RMND5A: variants seen among roughly 807,000 people sequenced by gnomAD.
RMND5A encodes required for meiotic nuclear division 5 homolog A, also known as E3 ubiquitin-protein transferase RMND5A.
Under a neutral mutation model 49.7 loss-of-function variants are expected in RMND5A, and 17 were observed. That is an observed-to-expected ratio of 0.34 (90% CI 0.23 to 0.51). RMND5A has a LOEUF of 0.51. Among genes scored for constraint, RMND5A ranks in the 20% least tolerant of loss-of-function variants. RMND5A has a pLI of 0.96. For synonymous variants in RMND5A, 156 were observed against 167.7 expected (o/e 0.93, Z 0.54); for missense variants, 255 against 471.3 (o/e 0.54, Z 4.25).
At chr2:86,757,294 C>G (rs1225898805) in intron 4 of RMND5A, among the ~76,000 whole-genome samples, 1 of 150,914 alleles carries the variant, frequency 6.6e-6, no homozygotes, top group Non-Finnish European at 1.5e-5. Flanking sequence ...TTACATAGAT[C>G]TAATCAGGAC....
intron 2 of RMND5A, 35 bp from the exon 3 acceptor site, chr2:86,751,860 TC>T (rs753598302): frequency 3.1e-6 from 5 of 1,591,458 alleles, no homozygotes; most frequent in Non-Finnish European, 4.3e-6. Flanking sequence ...GTGAAAATAA[TC>T]TATTTATGAT....
chr2:86,761,496 A>C (rs1672488159), intron 4 of RMND5A, among the ~76,000 whole-genome samples: 1 of 152,138 alleles, frequency 6.6e-6, no homozygotes, highest in Non-Finnish European at 1.5e-5. Context: ...ATTTCACCTT[A>C]ATTGCTTACA....
Position 86,764,936 on chromosome 2 carries a change from G to A in RMND5A, c.522-91G>A, listed in dbSNP as rs1332869397. 7 of 1,245,330 alleles carry A rather than the reference G, an allele frequency of 5.6e-6. No individual in the cohort carries two copies. In the African/African-American group the frequency reaches 7.6e-5, roughly 14 times the overall value. 77.1% of individuals were successfully genotyped at this position (1,245,330 alleles called of 1,614,324 possible). A position where few individuals can be genotyped will look rare whatever the true frequency, so the allele number is the denominator to read the frequency against. On this transcript the variant is annotated intron_variant, in intron 4 of 8. Coordinates refer to ENST00000283632, the MANE Select transcript of RMND5A (RefSeq NM_022780.4). Reference sequence around the variant, plus strand: ...AGACTTCCACAAGATGGCAGACCAAGCCCCTTTTTTGTTTTACTGGGTTTC... The same window carrying A: ...AGACTTCCACAAGATGGCAGACCAAACCCCTTTTTTGTTTTACTGGGTTTC...
chr2:86,720,941 C>T (rs1681199207), intron 1 of RMND5A, 132 bp downstream of exon 1: 1 of 740,308 alleles, frequency 1.4e-6, no homozygotes, highest in Non-Finnish European at 2.0e-6. Context: ...CGCGGAGGCC[C>T]CCAGACCCCT....
At chr2:86,753,150 A>C (rs1681665202) in intron 3 of RMND5A, among the ~76,000 whole-genome samples, 1 of 152,196 alleles carries the variant, frequency 6.6e-6, no homozygotes, top group Non-Finnish European at 1.5e-5. Flanking sequence ...ATAGCAGCCA[A>C]AGCTCCAGCC....
chr2:86,721,494 G>C (rs1330202055), intron 1 of RMND5A, among the ~76,000 whole-genome samples: 1 of 151,896 alleles, frequency 6.6e-6, no homozygotes, highest in Admixed American at 6.6e-5. Flanking sequence ...CACCGAGGAG[G>C]AACGGGCGAC....
chr2:86,764,894 G>A, intron 4 of RMND5A, 133 bp from the exon 5 acceptor site: 3 of 752,588 alleles, frequency 4.0e-6, no homozygotes, highest in Non-Finnish European at 6.4e-6. Flanking sequence ...CTGGGCCCTA[G>A]GGATTGATGT....
At chr2:86,759,612 G>GCCCCCCC (rs144501224) in intron 4 of RMND5A, among the ~76,000 whole-genome samples, 40 of 146,200 alleles carry the variant, frequency 2.7e-4, no homozygotes, top group South Asian at 4.4e-4. Flanking sequence ...TAGTTTGCTT[G>GCCCCCCC]CCCCCCCGCC....
intron 2 of RMND5A, among the ~76,000 whole-genome samples, chr2:86,750,820 A>T (rs1681622080): frequency 1.4e-5 from 2 of 142,678 alleles, no homozygotes; most frequent in South Asian, 2.2e-4. Context: ...AATTCTATTG[A>T]TTTTCACTGA....
chr2:86,763,481 G>T (rs540874609), intron 4 of RMND5A, among the ~76,000 whole-genome samples: 8 of 152,218 alleles, frequency 5.3e-5, no homozygotes, highest in Admixed American at 4.6e-4. Flanking sequence ...ACCACTGCCA[G>T]AAGTATTTTG....
At chr2:86,741,454 T>C (rs1425114217) in intron 2 of RMND5A, among the ~76,000 whole-genome samples, 1 of 151,180 alleles carries the variant, frequency 6.6e-6, no homozygotes, top group Non-Finnish European at 1.5e-5. Context: ...TGTTATGGGA[T>C]GATTAGAATA....
At chr2:86,764,423 G>C (rs1327247375) in intron 4 of RMND5A, among the ~76,000 whole-genome samples, 1 of 152,058 alleles carries the variant, frequency 6.6e-6, no homozygotes, top group African/African-American at 2.4e-5. Flanking sequence ...GCTGTATTTT[G>C]GCTCATTTAA....
At position 86,774,816 on chromosome 2, in the gene RMND5A, A is replaced by G. The variant is rs980558808; in HGVS notation, c.*1405A>G. The G allele has an allele frequency of 6.6e-6, 1 of 152,668 alleles. No homozygotes were observed. The highest frequency in any genetic ancestry group is 2.4e-5 in the African/African-American group (1 of 41,458). The allele number at this position is 152,668 out of a possible 1,614,324, so 9.5% of individuals were successfully genotyped here. ...AATGTGGCACTTCACATTTTAAACT[A>G]CAGATGGACTTGGTTTGAGGGAGGG... On this transcript the variant is annotated 3_prime_UTR_variant, in exon 9 of 9. Coordinates refer to ENST00000283632, the MANE Select transcript of RMND5A (RefSeq NM_022780.4).
In RMND5A at chr2:86,774,146, T is replaced by C. The variant is rs550441885; in HGVS notation, c.*735T>C. 1 of 152,816 alleles carries C rather than the reference T, an allele frequency of 6.5e-6. No homozygotes were observed. The highest frequency in any genetic ancestry group is 1.5e-5 in the Non-Finnish European group (1 of 68,046). The allele number at this position is 152,816 out of a possible 1,614,324, so 9.5% of individuals were successfully genotyped here. A position where few individuals can be genotyped will look rare whatever the true frequency, so the allele number is the denominator to read the frequency against. ...TTTGTTTGTTTTTTGTTTTTGCTTT[T>C]ATTGCCAAGAGGTGCTTGTTTTAAA... is the stretch of plus-strand genomic sequence containing the variant. On this transcript the variant is annotated 3_prime_UTR_variant, in exon 9 of 9. Transcript: ENST00000283632.
chr2:86,758,889 G>A (rs978894594), intron 4 of RMND5A, among the ~76,000 whole-genome samples: 2 of 152,072 alleles, frequency 1.3e-5, no homozygotes, highest in Non-Finnish European at 2.9e-5. Context: ...ATTTTTTTAA[G>A]CATTTGATTC....
Position 86,753,526 on chromosome 2 carries a change from A to T in RMND5A, c.489A>T (p.Ala163=). ...PFVELNRILE[A]LKVRVLRPAL... ...TGGAGTTAAATAGAATATTAGAGGCATTAAAGGTCAGAGTTCTGAGACCTG... is the reference window on the plus strand; with the variant it reads ...TGGAGTTAAATAGAATATTAGAGGCTTTAAAGGTCAGAGTTCTGAGACCTG... Residue 163 remains alanine (A), a synonymous_variant, in exon 4 of 9, where the codon GCA becomes GCT. Coordinates refer to ENST00000283632, the MANE Select transcript of RMND5A (RefSeq NM_022780.4). 1 of 1,610,916 alleles carries T rather than the reference A, an allele frequency of 6.2e-7. No individual in the cohort carries two copies. Among genetic ancestry groups the T allele is most frequent in the East Asian group, 2.2e-5 (1 of 44,834 alleles).
intron 4 of RMND5A, among the ~76,000 whole-genome samples, chr2:86,755,597 A>T (rs989635057): frequency 6.6e-6 from 1 of 152,208 alleles, no homozygotes. Flanking sequence ...CTATATCTGT[A>T]GTCACTGGCA....
chr2:86,746,189 G>T (rs1681535323), intron 2 of RMND5A, among the ~76,000 whole-genome samples: 1 of 152,126 alleles, frequency 6.6e-6, no homozygotes, highest in Non-Finnish European at 1.5e-5. Flanking sequence ...AGGGACAAAA[G>T]GACTTAATAT....
At chr2:86,742,563 G>GCT (rs1681467055) in intron 2 of RMND5A, among the ~76,000 whole-genome samples, 1 of 150,498 alleles carries the variant, frequency 6.6e-6, no homozygotes, top group South Asian at 2.2e-4. Context: ...TCTTCCAGCA[G>GCT]CTGTATCCTT....
Sources: allele counts gnomAD v4.1 joint callset (sites outside exome capture counted in the v4.1 genomes callset), GRCh38; gene constraint gnomAD v4.1.1; transcripts MANE v1.5; gene names NCBI Gene and HGNC (gene_info 2026-07-23, HGNC 2026-07-21).